The following FRMPD4 variants were observed in gnomAD, a reference collection of about 807,000 sequenced individuals.
FRMPD4 encodes the protein FERM and PDZ domain containing 4, also known as FERM and PDZ domain-containing protein 4.
A neutral mutation model predicts 94.1 loss-of-function variants in FRMPD4; 22 were observed. The ratio of observed to expected loss-of-function variants is 0.23; its 90% CI spans 0.17 to 0.33. The LOEUF (loss-of-function observed/expected upper bound fraction) is 0.33, where lower values mean the gene tolerates loss of function less well. FRMPD4 is among the 10% of genes least tolerant of loss of function. FRMPD4 has a pLI of 1.00. For missense variants in FRMPD4, 1,111 were observed against 1,339.9 expected (o/e 0.83, Z 2.67); for synonymous variants, 631 against 548.6 (o/e 1.15, Z -2.10).
intron 3 of FRMPD4, among the ~76,000 whole-genome samples, chrX:12,109,515 T>C (rs1816238640): frequency 9.0e-6 from 1 of 111,387 alleles, no homozygotes; most frequent in Admixed American, 9.5e-5. Context: ...TTAAAAGAAC[T>C]AGAGAAGCAA....
rs981432086 is a variant in FRMPD4 at position 12,716,349 on chromosome X, A to G, written c.1890A>G (p.Leu630=). ...ADYRSLAQRS[L]LTLSGPETLK... ...ACAGAAGTCTAGCTCAGCGGTCCCT[A>G]TTGACCCTCTCAGGACCAGAAACTC... The change falls in exon 15 of 17, where the codon CTA becomes CTG. Residue 630 remains leucine (L), a synonymous_variant. Transcript: ENST00000675598. 8 of 1,209,994 alleles carry G rather than the reference A, an allele frequency of 6.6e-6. No homozygotes were observed. The highest frequency in any genetic ancestry group is 1.7e-5 in the African/African-American group (1 of 57,209).
chrX:12,429,043 G>C (rs1404560638), intron 1 of FRMPD4, among the ~76,000 whole-genome samples: 1 of 111,699 alleles, frequency 9.0e-6, no homozygotes, highest in Non-Finnish European at 1.9e-5. Flanking sequence ...CTCTTTTCTT[G>C]GAAGCATTTC....
intron 1 of FRMPD4, among the ~76,000 whole-genome samples, chrX:12,160,946 A>G (rs1196942692): frequency 9.0e-6 from 1 of 111,195 alleles, no homozygotes; most frequent in African/African-American, 3.3e-5. Flanking sequence ...TAATATTAGC[A>G]TTAATATTGT....
intron 1 of FRMPD4, among the ~76,000 whole-genome samples, chrX:12,265,760 C>G (rs182955138): frequency 1.4e-4 from 15 of 109,995 alleles, no homozygotes; most frequent in Admixed American, 1.3e-3. Flanking sequence ...GAACCCCCCC[C>G]CAAAACTGCA....
At chrX:12,143,147 G>A (rs2055714827) in intron 1 of FRMPD4, among the ~76,000 whole-genome samples, 1 of 111,708 alleles carries the variant, frequency 9.0e-6, no homozygotes, top group Non-Finnish European at 1.9e-5. Context: ...TAAGCATACC[G>A]TCCTGAAATC....
chrX:12,133,260 T>TGGGGG (rs1273915820), intron 3 of FRMPD4, among the ~76,000 whole-genome samples: 13 of 107,522 alleles, frequency 1.2e-4, no homozygotes, highest in African/African-American at 4.4e-4. Flanking sequence ...TTTTTAGAGA[T>TGGGGG]GGGGTCTCAC....
chrX:12,439,902 G>T (rs1218972796), intron 1 of FRMPD4, among the ~76,000 whole-genome samples: 2 of 111,934 alleles, frequency 1.8e-5, no homozygotes, highest in African/African-American at 6.5e-5. Context: ...AAAATGGGGG[G>T]TTGAAAACTA....
chrX:12,722,785 G>C lies in FRMPD4; in HGVS notation c.*927G>C, dbSNP rs2042264573. The C allele has an allele frequency of 8.9e-6, 1 of 111,751 alleles. No homozygotes were observed. The highest frequency in any genetic ancestry group is 3.3e-5 in the African/African-American group (1 of 30,739). 9.2% of individuals were successfully genotyped at this position (111,751 alleles called of 1,213,427 possible). A position where few individuals can be genotyped will look rare whatever the true frequency, so the allele number is the denominator to read the frequency against. On this transcript the variant is annotated 3_prime_UTR_variant, in exon 17 of 17. Transcript: ENST00000675598. ...TCCCTTTAGAGTGATAGGACATTTA[G>C]TAAAGTATTTGCAAACTTAAAAAAA...
intron 3 of FRMPD4, among the ~76,000 whole-genome samples, chrX:11,943,984 A>G (rs1000446928): frequency 8.9e-6 from 1 of 112,056 alleles, no homozygotes; most frequent in Non-Finnish European, 1.9e-5. Flanking sequence ...TAAGACATAC[A>G]ACTGCTCAAC....
At chrX:12,053,422 GAA>G (rs1401787701) in intron 3 of FRMPD4, among the ~76,000 whole-genome samples, 981 of 91,694 alleles carry the variant, frequency 0.011, 6 homozygotes, top group East Asian at 0.032. Context: ...AAGAAAGAAA[GAA>G]AGAAAGAGAA....
At chrX:12,694,199 T>A (rs1293414180) in intron 8 of FRMPD4, 136 bp from the exon 9 acceptor site, 1 of 466,213 alleles carries the variant, frequency 2.1e-6, no homozygotes. Flanking sequence ...TTTCAGGGAA[T>A]GAGTATCTAT....
At chrX:12,650,215 C>A (rs747213501) in intron 4 of FRMPD4, among the ~76,000 whole-genome samples, 1 of 111,912 alleles carries the variant, frequency 8.9e-6, no homozygotes, top group African/African-American at 3.2e-5. Context: ...CTAGAGGAAA[C>A]CCATGTAATT....
intron 3 of FRMPD4, among the ~76,000 whole-genome samples, chrX:12,057,135 A>G (rs895652915): frequency 8.9e-6 from 1 of 111,941 alleles, no homozygotes; most frequent in African/African-American, 3.2e-5. Context: ...ATTTTGGCAG[A>G]TGTCCCTTCT....
chrX:12,430,539 G>A (rs2056999406), intron 1 of FRMPD4, among the ~76,000 whole-genome samples: 1 of 112,147 alleles, frequency 8.9e-6, no homozygotes, highest in African/African-American at 3.2e-5. Context: ...TCAATAAATG[G>A]ATGAATGATA....
intron 1 of FRMPD4, among the ~76,000 whole-genome samples, chrX:12,458,055 G>A (rs894781366): frequency 5.4e-5 from 6 of 111,694 alleles, no homozygotes. Context: ...ATTTCCTTCT[G>A]GGAACCTGGA....
chrX:11,931,143 T>G (rs1444285945), intron 3 of FRMPD4, among the ~76,000 whole-genome samples: 2 of 111,976 alleles, frequency 1.8e-5, no homozygotes, highest in Non-Finnish European at 3.8e-5. Flanking sequence ...GACCATACAG[T>G]ATATGTAATA....
chrX:11,854,429 A>AAAGTCC (rs1251903775), intron 1 of FRMPD4, among the ~76,000 whole-genome samples: 7 of 111,790 alleles, frequency 6.3e-5, no homozygotes, highest in Non-Finnish European at 7.5e-5. Flanking sequence ...CATTAACTCA[A>AAAGTCC]AAGTCCAAGT....
At chrX:12,625,287 A>T (rs1192359346) in intron 4 of FRMPD4, among the ~76,000 whole-genome samples, 1 of 111,588 alleles carries the variant, frequency 9.0e-6, no homozygotes, top group Non-Finnish European at 1.9e-5. Flanking sequence ...TCACTACTAG[A>T]TACATATTCA....
chrX:11,943,922 G>T (rs2054175674), intron 3 of FRMPD4, among the ~76,000 whole-genome samples: 1 of 111,445 alleles, frequency 9.0e-6, no homozygotes, highest in African/African-American at 3.3e-5. Flanking sequence ...CTATAGCAGG[G>T]ATCAGCAAAC....
Sources: gnomAD v4.1 joint callset for allele counts (sites outside exome capture counted in the v4.1 genomes callset) on GRCh38, gnomAD v4.1.1 for gene constraint, MANE v1.5 for transcripts, NCBI Gene and HGNC (gene_info 2026-07-23, HGNC 2026-07-21) for gene names.